Variants in RHOJ observed in about 807,000 individuals in gnomAD.
RHOJ encodes the protein ras homolog family member J.
A neutral mutation model predicts 23.4 loss-of-function variants in RHOJ; 11 were observed. That is an observed-to-expected ratio of 0.47 (90% CI 0.30 to 0.78). The LOEUF is 0.78. Among genes scored for constraint, RHOJ ranks in the 30% least tolerant of loss-of-function variants. The probability of loss-of-function intolerance (pLI) is 0.08; values close to 1 mark genes in which losing one functional copy is unlikely to be tolerated. For synonymous variants in RHOJ, 102 were observed against 102.7 expected (o/e 0.99, Z 0.04); for missense variants, 254 against 273.4 (o/e 0.93, Z 0.50).
intron 1 of RHOJ, among the ~76,000 whole-genome samples, chr14:63,208,257 C>A (rs2139724936): frequency 6.6e-6 from 1 of 152,300 alleles, no homozygotes; most frequent in South Asian, 2.1e-4. Context: ...TCTGATGTAT[C>A]CCTACCTCCT....
Position 63,290,903 on chromosome 14 carries a change from G to A in RHOJ, c.524G>A (p.Cys175Tyr). The change falls in exon 5 of 5, where the codon TGT becomes TAT. Residue 175 changes from cysteine (C) to tyrosine (Y), a missense_variant. Transcript: ENST00000316754. ...ATCGGAGCACAGTGCTACTTGGAAT[G>A]TTCAGCTCTGACTCAGAAAGGTCTC... ...KAIGAQCYLE[C>Y]SALTQKGLKA... is the part of the protein sequence containing the mutation. The A allele has an allele frequency of 1.2e-6, 2 of 1,613,934 alleles. No homozygotes were observed. Among genetic ancestry groups the A allele is most frequent in the South Asian group, 1.1e-5 (1 of 91,028 alleles).
Position 63,241,165 on chromosome 14 carries a change from G to A in RHOJ, c.179-27945G>A, listed in dbSNP as rs574372049. Among the ~76,000 whole-genome samples the A allele has an allele frequency of 8.1e-4, 123 of 152,338 alleles. 1 individual carries two copies. Among genetic ancestry groups the A allele is most frequent in the Non-Finnish European group, 1.5e-3 (99 of 68,042 alleles). The stretch of plus-strand genomic sequence containing the variant: ...CAGTGCAGTGGAGGCCACGCCATAC[G>A]CGCATTCATTCCATGGTCATTGAAG... On this transcript the variant is annotated intron_variant, in intron 1 of 4. Transcript: ENST00000316754.
intron 1 of RHOJ, among the ~76,000 whole-genome samples, chr14:63,215,150 G>C (rs1894327113): frequency 6.6e-6 from 1 of 152,126 alleles, no homozygotes; most frequent in Non-Finnish European, 1.5e-5. Context: ...TTGGGGAAAA[G>C]GAAAGAAAAC....
At chr14:63,253,176 C>T (rs1349403649) in intron 1 of RHOJ, among the ~76,000 whole-genome samples, 1 of 152,182 alleles carries the variant, frequency 6.6e-6, no homozygotes, top group East Asian at 1.9e-4. Context: ...TGTTATCGGT[C>T]CTGAGCCTAA....
chr14:63,205,559 T>C (rs1425889318), intron 1 of RHOJ, among the ~76,000 whole-genome samples: 1 of 152,254 alleles, frequency 6.6e-6, no homozygotes, highest in South Asian at 2.1e-4. Context: ...ACTATAGTTT[T>C]GTTTTCCTGA....
intron 4 of RHOJ, among the ~76,000 whole-genome samples, chr14:63,288,789 A>T (rs1018076926): frequency 2.6e-5 from 4 of 152,212 alleles, no homozygotes; most frequent in Non-Finnish European, 5.9e-5. Flanking sequence ...AAAATGAAAA[A>T]TGCATAATCT....
chr14:63,248,614 T>G (rs1366361008), intron 1 of RHOJ, among the ~76,000 whole-genome samples: 1 of 152,232 alleles, frequency 6.6e-6, no homozygotes, highest in Non-Finnish European at 1.5e-5. Flanking sequence ...AATACTGATT[T>G]ATATTTCCTA....
intron 1 of RHOJ, among the ~76,000 whole-genome samples, chr14:63,215,734 T>TA (rs1218678158): frequency 1.3e-5 from 2 of 152,130 alleles, no homozygotes; most frequent in Non-Finnish European, 2.9e-5. Context: ...TTTCAAAACT[T>TA]ATTTACCTTC....
intron 2 of RHOJ, among the ~76,000 whole-genome samples, chr14:63,279,106 A>G (rs527784607): frequency 6.6e-6 from 1 of 152,350 alleles, no homozygotes; most frequent in East Asian, 1.9e-4. Context: ...TTTCACTTCA[A>G]CTCTGTGTAC....
intron 1 of RHOJ, among the ~76,000 whole-genome samples, chr14:63,243,284 C>T (rs2139633277): frequency 6.6e-6 from 1 of 152,280 alleles, no homozygotes; most frequent in East Asian, 1.9e-4. Flanking sequence ...CCAAAACTAG[C>T]TGCTCCTATT....
intron 1 of RHOJ, among the ~76,000 whole-genome samples, chr14:63,227,638 T>C (rs1179789913): frequency 6.6e-6 from 1 of 152,118 alleles, no homozygotes; most frequent in Non-Finnish European, 1.5e-5. Flanking sequence ...GACTGACAAA[T>C]AAATGTACCG....
chr14:63,273,343 G>A (rs1418044199), intron 2 of RHOJ, among the ~76,000 whole-genome samples: 6 of 152,208 alleles, frequency 3.9e-5, no homozygotes, highest in South Asian at 2.1e-4. Context: ...CATCCTGTAC[G>A]AGACATATCC....
chr14:63,210,744 T>C (rs146935471), intron 1 of RHOJ, among the ~76,000 whole-genome samples: 1 of 152,366 alleles, frequency 6.6e-6, no homozygotes, highest in African/African-American at 2.4e-5. Flanking sequence ...GAGCTCCATT[T>C]TGAATTTAGA....
At chr14:63,266,984 C>A (rs1393467670) in intron 1 of RHOJ, among the ~76,000 whole-genome samples, 1 of 152,186 alleles carries the variant, frequency 6.6e-6, no homozygotes, top group African/African-American at 2.4e-5. Flanking sequence ...CTCACACTAC[C>A]CCTGACACAG....
In RHOJ at chr14:63,290,986, C is replaced by T. The variant is rs755677655; in HGVS notation, c.607C>T (p.Arg203Cys). ...TTTCCACCCCAAGAAAAAGAAGAAACGCTGTTCTGAGGGTCACAGCTGCTG... is the reference window on the plus strand; with the variant it reads ...TTTCCACCCCAAGAAAAAGAAGAAATGCTGTTCTGAGGGTCACAGCTGCTG... ...TIFHPKKKKK[R>C]CSEGHSCCSI... The change falls in exon 5 of 5, where the codon CGC becomes TGC. Residue 203 changes from arginine (R) to cysteine (C), a missense_variant. By Grantham distance (180) the Arg-to-Cys change is radical (BLOSUM62 -3). Coordinates refer to ENST00000316754, the MANE Select transcript of RHOJ (RefSeq NM_020663.5). 2.3e-5 allele frequency: 37 copies of T among 1,614,010 alleles called. No homozygotes were observed. Among genetic ancestry groups the T allele is most frequent in the Middle Eastern group, 1.6e-4 (1 of 6,084 alleles).
chr14:63,237,552 G>A (rs377591718), intron 1 of RHOJ, among the ~76,000 whole-genome samples: 5 of 152,242 alleles, frequency 3.3e-5, no homozygotes, highest in Non-Finnish European at 4.4e-5. Flanking sequence ...AGACTAGTAT[G>A]TGGCATGCAT....
chr14:63,234,298 C>T lies in RHOJ; in HGVS notation c.178+29251C>T, dbSNP rs531264544. On this transcript the variant is annotated intron_variant, in intron 1 of 4. Transcript: ENST00000316754. ...TGCGCCTTTATTACAGCAGGGCTCA[C>T]ACTGATAGAACTTTGTACATCTCTG... Among the ~76,000 whole-genome samples the T allele has an allele frequency of 5.9e-5, 9 of 152,338 alleles. No individual in the cohort carries two copies. The South Asian group carries it at 1.5e-3, about 25-fold the overall frequency.
intron 2 of RHOJ, among the ~76,000 whole-genome samples, chr14:63,270,648 C>A (rs991066832): frequency 8.5e-5 from 13 of 152,224 alleles, no homozygotes; most frequent in Admixed American, 6.5e-5. Context: ...AATTCACTCA[C>A]ATAATCACTG....
chr14:63,225,072 C>T (rs1894566431), intron 1 of RHOJ, among the ~76,000 whole-genome samples: 1 of 151,680 alleles, frequency 6.6e-6, no homozygotes, highest in Non-Finnish European at 1.5e-5. Flanking sequence ...CTGCCTCAGC[C>T]TCCCGAGTAG....
Sources: allele counts gnomAD v4.1 joint callset (sites outside exome capture counted in the v4.1 genomes callset), GRCh38; gene constraint gnomAD v4.1.1; transcripts MANE v1.5; gene names NCBI Gene and HGNC (gene_info 2026-07-23, HGNC 2026-07-21).